The following DCTN5 variants were observed in gnomAD, a reference collection of about 807,000 sequenced individuals.
The protein encoded by DCTN5 is dynactin 4.
Under a neutral mutation model 23.5 loss-of-function variants are expected in DCTN5, and 14 were observed. That is an observed-to-expected ratio of 0.60 (90% CI 0.39 to 0.93). DCTN5 has a LOEUF of 0.93. Ranked by LOEUF, DCTN5 falls within the 40% of genes least tolerant of loss-of-function variation. The pLI, the probability that DCTN5 is intolerant of heterozygous loss-of-function variation, is 0.00. For missense variants in DCTN5, 156 were observed against 225.9 expected, an observed-to-expected ratio of 0.69 and a Z score of 1.98; for synonymous variants, 67 against 79.6, an observed-to-expected ratio of 0.84 and a Z score of 0.84.
At position 23,673,425 on chromosome 16, in the gene DCTN5, CT is replaced by C. The variant is rs1183783918; in HGVS notation, c.*6282del. ...CCCCGCCATTTTTTAATAAACCTTT[CT>C]AATGGAACAAGTAAAACACATGCAG... On this transcript the variant is annotated 3_prime_UTR_variant, in exon 6 of 6. Transcript: ENST00000300087. The C allele has an allele frequency of 6.6e-6, 1 of 152,142 alleles. No individual in the cohort carries two copies. The allele number at this position is 152,142 out of a possible 1,614,324, so 9.4% of individuals were successfully genotyped here.
chr16:23,659,511 C>A (rs1967773258), intron 3 of DCTN5, among the ~76,000 whole-genome samples: 1 of 152,158 alleles, frequency 6.6e-6, no homozygotes. Flanking sequence ...AAATAAAATT[C>A]CTGCCTCAAG....
chr16:23,651,023 C>T (rs1377250475), intron 2 of DCTN5: 1 of 1,402,500 alleles, frequency 7.1e-7, no homozygotes. Flanking sequence ...GCAAGATGTT[C>T]CACTACTCAA....
In DCTN5 at chr16:23,655,568, C is replaced by G. The variant is rs551958384; in HGVS notation, c.118-2939C>G. Among the ~76,000 whole-genome samples the G allele has an allele frequency of 2.7e-5, 4 of 150,390 alleles. No homozygotes were observed. The South Asian group carries it at 8.5e-4, about 32-fold the overall frequency. On this transcript the variant is annotated intron_variant, in intron 2 of 5. Transcript: ENST00000300087. ...ATTTTTTTTTTTTTTTCTTGAGGCACAGTCTTGCTCTGTCACCCAGGTGGG... is the reference window on the plus strand; with the variant it reads ...ATTTTTTTTTTTTTTTCTTGAGGCAGAGTCTTGCTCTGTCACCCAGGTGGG...
chr16:23,650,908 A>G, intron 2 of DCTN5: 1 of 1,396,794 alleles, frequency 7.2e-7, no homozygotes, highest in South Asian at 1.2e-5. Flanking sequence ...TCTAAGCCCA[A>G]GCTGGTTGTT....
intron 2 of DCTN5, among the ~76,000 whole-genome samples, chr16:23,652,871 G>T (rs942235863): frequency 6.6e-6 from 1 of 152,144 alleles, no homozygotes; most frequent in Non-Finnish European, 1.5e-5. Flanking sequence ...GGCTGGACGT[G>T]GTGGCCCACA....
intron 2 of DCTN5, among the ~76,000 whole-genome samples, chr16:23,644,294 A>ATTTTTTTTTTTTTTT (rs534821955): frequency 1.0e-5 from 1 of 97,352 alleles, no homozygotes; most frequent in African/African-American, 4.2e-5. Context: ...TGCCCACCTA[A>ATTTTTTTTTTTTTTT]TTTTTTTTTT....
In DCTN5 at chr16:23,668,431, G is replaced by A. The variant is rs1023996419; in HGVS notation, c.*1287G>A. 1 of 152,098 alleles carries A rather than the reference G, an allele frequency of 6.6e-6. No homozygotes were observed. The highest frequency in any genetic ancestry group is 1.5e-5 in the Non-Finnish European group (1 of 68,014). The allele number at this position is 152,098 out of a possible 1,614,324, so 9.4% of individuals were successfully genotyped here. A position where few individuals can be genotyped will look rare whatever the true frequency, so the allele number is the denominator to read the frequency against. The stretch of plus-strand genomic sequence containing the variant: ...TAAAACCACCAAAATACATAGCTTC[G>A]ACAAGATGGAAGTTTATTTCTCTCT... On this transcript the variant is annotated 3_prime_UTR_variant, in exon 6 of 6. Coordinates refer to ENST00000300087, the MANE Select transcript of DCTN5 (RefSeq NM_032486.4).
At chr16:23,658,371 C>T in intron 2 of DCTN5, 136 bp from the exon 3 acceptor site, 1 of 672,782 alleles carries the variant, frequency 1.5e-6, no homozygotes, top group South Asian at 1.8e-5. Context: ...CAATTTATTC[C>T]TTTTGGCGGA....
At chr16:23,645,116 TATATATATATATA>T (rs1567228405) in intron 2 of DCTN5, among the ~76,000 whole-genome samples, 606 of 41,704 alleles carry the variant, frequency 0.015, 39 homozygotes, top group Non-Finnish European at 0.021. Flanking sequence ...TATATATATA[TATATATATATATA>T]TATATATATT....
At chr16:23,660,577 T>C (rs1292359719) in intron 3 of DCTN5, among the ~76,000 whole-genome samples, 1 of 152,336 alleles carries the variant, frequency 6.6e-6, no homozygotes, top group African/African-American at 2.4e-5. Flanking sequence ...CATAACTTGA[T>C]ATTGTGTTTC....
rs956552162 is a variant in DCTN5, at chr16:23,641,535, C to T, written c.-8C>T. On this transcript the variant is annotated 5_prime_UTR_variant, in exon 1 of 6. Transcript: ENST00000300087. The stretch of plus-strand genomic sequence containing the variant: ...AGGATCCGGGGCTGAGGGAAGGAGG[C>T]GGCGGCCATGGAGTTGGGCGAGCTG... The T allele has an allele frequency of 1.2e-6, 2 of 1,613,884 alleles. No individual in the cohort carries two copies. The highest frequency in any genetic ancestry group is 1.3e-5 in the African/African-American group (1 of 74,946).
chr16:23,642,678 G>T lies in DCTN5; in HGVS notation c.49-277G>T, dbSNP rs1264514388. 11 of 320,038 alleles carry T rather than the reference G, an allele frequency of 3.4e-5. No individual in the cohort carries two copies. In the East Asian group the frequency reaches 4.2e-4, roughly 12 times the overall value. 19.8% of individuals were successfully genotyped at this position (320,038 alleles called of 1,614,324 possible). A position where few individuals can be genotyped will look rare whatever the true frequency, so the allele number is the denominator to read the frequency against. ...AAAAATTTTTTTTTTGTTGAGAAGG[G>T]GTCTCACTATGTTGCCTAGGCTGGT... On this transcript the variant is annotated intron_variant, in intron 1 of 5. Transcript: ENST00000300087.
intron 2 of DCTN5, among the ~76,000 whole-genome samples, chr16:23,658,278 G>A (rs1967747165): frequency 6.6e-6 from 1 of 152,170 alleles, no homozygotes; most frequent in Admixed American, 6.5e-5. Context: ...CTATTCATGG[G>A]GGATTAAGGG....
intron 1 of DCTN5, 54 bp from the exon 2 acceptor site, chr16:23,642,901 A>T: frequency 6.7e-7 from 1 of 1,489,860 alleles, no homozygotes; most frequent in Non-Finnish European, 9.4e-7. Context: ...GGAAACCTGT[A>T]GTCCAGAAAC....
chr16:23,652,869 G>A (rs1256534579), intron 2 of DCTN5, among the ~76,000 whole-genome samples: 12 of 152,144 alleles, frequency 7.9e-5, no homozygotes, highest in East Asian at 3.8e-4. Context: ...TTGGCTGGAC[G>A]TGGTGGCCCA....
chr16:23,649,345 C>T (rs1015102664), intron 2 of DCTN5, among the ~76,000 whole-genome samples: 3 of 152,132 alleles, frequency 2.0e-5, no homozygotes, highest in African/African-American at 7.2e-5. Context: ...AAGATATGTT[C>T]TGCCATATTT....
At chr16:23,652,629 A>G (rs778405693) in intron 2 of DCTN5, among the ~76,000 whole-genome samples, 1 of 152,218 alleles carries the variant, frequency 6.6e-6, no homozygotes, top group African/African-American at 2.4e-5. Flanking sequence ...CTATTACTCT[A>G]GTTTCCTTGT....
At chr16:23,666,791 A>G in intron 5 of DCTN5, 1 of 520,276 alleles carries the variant, frequency 1.9e-6, no homozygotes, top group Non-Finnish European at 3.4e-6. Context: ...GCATTTGGCC[A>G]TTCTACCGTG....
chr16:23,652,379 T>C (rs1967621793), intron 2 of DCTN5, among the ~76,000 whole-genome samples: 1 of 152,210 alleles, frequency 6.6e-6, no homozygotes, highest in Non-Finnish European at 1.5e-5. Flanking sequence ...TCATAATTGC[T>C]TACCCTATTG....
Sources: allele counts gnomAD v4.1 joint callset (sites outside exome capture counted in the v4.1 genomes callset), GRCh38; gene constraint gnomAD v4.1.1; transcripts MANE v1.5; gene names NCBI Gene and HGNC (gene_info 2026-07-23, HGNC 2026-07-21).